HIVEP1: variants seen among roughly 807,000 people sequenced by gnomAD.
HIVEP1 encodes zinc finger protein 40.
A neutral mutation model predicts 180.0 loss-of-function variants in HIVEP1; 36 were observed. That is an observed-to-expected ratio of 0.20 (90% CI 0.15 to 0.26). The LOEUF is 0.26. Ranked by LOEUF, HIVEP1 falls within the 10% of genes least tolerant of loss-of-function variation. The pLI is 1.00. For synonymous variants in HIVEP1, 1,239 were observed against 1,239.0 expected, an observed-to-expected ratio of 1.00 and a Z score of 0.00; for missense variants, 3,143 against 3,268.7, an observed-to-expected ratio of 0.96 and a Z score of 0.94.
At chr6:12,082,896 C>G (rs924791617) in intron 2 of HIVEP1, among the ~76,000 whole-genome samples, 1 of 152,076 alleles carries the variant, frequency 6.6e-6, no homozygotes, top group Non-Finnish European at 1.5e-5. Context: ...AGGAATTATT[C>G]TGTAGTTTTC....
At chr6:12,103,967 A>G (rs530083482) in intron 3 of HIVEP1, among the ~76,000 whole-genome samples, 1 of 152,360 alleles carries the variant, frequency 6.6e-6, no homozygotes, top group East Asian at 1.9e-4. Flanking sequence ...GTTTGGAAGC[A>G]TAGAAAATCT....
At chr6:12,138,643 G>A (rs535325503) in intron 7 of HIVEP1, among the ~76,000 whole-genome samples, 1 of 152,088 alleles carries the variant, frequency 6.6e-6, no homozygotes, top group Non-Finnish European at 1.5e-5. Flanking sequence ...TGCTCACTTT[G>A]TAGGTAGTCT....
Position 12,123,210 on chromosome 6 carries a change from A to G in HIVEP1, c.3415A>G (p.Thr1139Ala), listed in dbSNP as rs1325221146. ...HGTGISVIQH[T>A]NSLSRPNSFD... is the part of the protein sequence containing the mutation. Reference sequence around the variant, plus strand: ...AACTGGAATCTCTGTCATCCAGCACACCAACTCCCTGAGCAGGCCCAACTC... The same window carrying G: ...AACTGGAATCTCTGTCATCCAGCACGCCAACTCCCTGAGCAGGCCCAACTC... The change falls in exon 4 of 9, where the codon ACC (threonine) becomes GCC (alanine). Residue 1139 changes from threonine (T) to alanine (A), a missense_variant. By Grantham distance (58) the Thr-to-Ala change is moderately conservative. Transcript: ENST00000379388. 1.2e-6 allele frequency: 2 copies of G among 1,614,202 alleles called. No individual in the cohort carries two copies. The highest frequency in any genetic ancestry group is 3.3e-5 in the Admixed American group (2 of 60,014).
At position 12,015,623 on chromosome 6, in the gene HIVEP1, A is replaced by G; in HGVS notation, c.-6A>G. 2 of 1,613,426 alleles carry G rather than the reference A, an allele frequency of 1.2e-6. No individual in the cohort carries two copies. The highest frequency in any genetic ancestry group is 1.7e-6 in the Non-Finnish European group (2 of 1,179,586). ...AGAAGAAAAAGAAGGCCCTGAGTCAAAGAAGATGCCTCGAACTAAACAAAT... is the reference window on the plus strand; with the variant it reads ...AGAAGAAAAAGAAGGCCCTGAGTCAGAGAAGATGCCTCGAACTAAACAAAT... On this transcript the variant is annotated 5_prime_UTR_variant, in exon 2 of 9. Transcript: ENST00000379388.
intron 2 of HIVEP1, among the ~76,000 whole-genome samples, chr6:12,030,791 A>G (rs551230819): frequency 2.0e-5 from 3 of 152,230 alleles, no homozygotes; most frequent in South Asian, 2.1e-4. Flanking sequence ...GATACTTTCT[A>G]TTGACTCAAT....
rs149053873 is a variant in HIVEP1 at position 12,130,410 on chromosome 6, C to T, written c.6210-357C>T. On this transcript the variant is annotated intron_variant, in intron 5 of 8. Coordinates refer to ENST00000379388, the MANE Select transcript of HIVEP1 (RefSeq NM_002114.4). ...TGCAGTAGTGCAGCGCAGTGGTGCG[C>T]GCCTGTAGTCCCAGCTGTTCGGGAG... Among the ~76,000 whole-genome samples, 287 of 152,180 alleles carry T rather than the reference C, an allele frequency of 1.9e-3. 1 individual carries two copies. Among genetic ancestry groups the T allele is most frequent in the Middle Eastern group, 3.4e-3 (1 of 292 alleles).
At chr6:12,075,573 A>G (rs1772297321) in intron 2 of HIVEP1, among the ~76,000 whole-genome samples, 1 of 149,512 alleles carries the variant, frequency 6.7e-6, no homozygotes, top group South Asian at 2.1e-4. Context: ...CAGTTTTTAA[A>G]AAATTTCAGA....
chr6:12,148,427 G>A (rs1759501475), intron 7 of HIVEP1, among the ~76,000 whole-genome samples: 1 of 152,208 alleles, frequency 6.6e-6, no homozygotes, highest in African/African-American at 2.4e-5. Flanking sequence ...AGTCCTGCCT[G>A]ACAGTGTATT....
intron 2 of HIVEP1, among the ~76,000 whole-genome samples, chr6:12,019,951 T>C (rs1191907587): frequency 6.6e-6 from 1 of 152,208 alleles, no homozygotes; most frequent in Non-Finnish European, 1.5e-5. Flanking sequence ...GAATCTATCA[T>C]GGAAGAGTAT....
At chr6:12,157,269 C>T (rs1760116656) in intron 7 of HIVEP1, among the ~76,000 whole-genome samples, 1 of 152,082 alleles carries the variant, frequency 6.6e-6, no homozygotes, top group South Asian at 2.1e-4. Flanking sequence ...CAGTCCTAGT[C>T]ATTTCTGTCT....
intron 2 of HIVEP1, among the ~76,000 whole-genome samples, chr6:12,049,273 G>A (rs1770337021): frequency 2.0e-5 from 3 of 152,220 alleles, no homozygotes; most frequent in African/African-American, 7.2e-5. Context: ...GGTGCAGGTA[G>A]TGTTGGCAGG....
the HIVEP1 span, among the ~76,000 whole-genome samples, chr6:12,204,997 G>A: frequency 6.6e-6 from 1 of 152,160 alleles, no homozygotes; most frequent in African/African-American, 2.4e-5. Context: ...CGGTGCAAAG[G>A]CACTGGGGCA....
At chr6:12,012,802 C>G (rs953351789) in intron 1 of HIVEP1, 1 of 152,888 alleles carries the variant, frequency 6.5e-6, no homozygotes, top group Admixed American at 6.5e-5. Context: ...ACAGAGGGAC[C>G]CAGCCTCCCC....
intron 6 of HIVEP1, among the ~76,000 whole-genome samples, chr6:12,133,740 T>C (rs1367861154): frequency 1.3e-5 from 2 of 152,192 alleles, no homozygotes; most frequent in African/African-American, 4.8e-5. Context: ...CCTAGCACTT[T>C]GGGAGGCCAA....
downstream of HIVEP1, among the ~76,000 whole-genome samples, chr6:12,167,553 TG>T (rs1355792194): frequency 5.0e-5 from 6 of 120,866 alleles, 1 homozygote; most frequent in East Asian, 2.4e-4. Flanking sequence ...ATATAATATA[TG>T]TATATATTAC....
chr6:12,191,457 C>T, the HIVEP1 span, among the ~76,000 whole-genome samples: 22,194 of 151,840 alleles, frequency 0.15, 2,015 homozygotes, highest in Middle Eastern at 0.21. Context: ...AGCCAGGTGT[C>T]GTGGTGTGTG....
rs148617896 is a variant in HIVEP1, at chr6:12,018,224, C to T, written c.40+2556C>T. ...CACGCCAACTGGGAACTCTAGCTGG[C>T]CTACAAGCGCCACGCGCGGCCCCCG... On this transcript the variant is annotated intron_variant, in intron 2 of 8. Coordinates refer to ENST00000379388, the MANE Select transcript of HIVEP1 (RefSeq NM_002114.4). Among the ~76,000 whole-genome samples, 939 of 152,352 alleles carry T rather than the reference C, an allele frequency of 6.2e-3. 5 individuals carry two copies. The highest frequency in any genetic ancestry group is 0.012 in the African/African-American group (517 of 41,586).
chr6:12,164,482 CT>C lies in HIVEP1; in HGVS notation c.*30del, dbSNP rs752138621. 807 of 1,531,136 alleles carry C rather than the reference CT, an allele frequency of 5.3e-4. No individual in the cohort carries two copies. The highest frequency in any genetic ancestry group is 6.1e-4 in the Non-Finnish European group (694 of 1,135,338). The allele number at this position is 1,531,136 out of a possible 1,614,324, so 94.8% of individuals were successfully genotyped here. ...CCTGATGGATTTTATTTTTTATTTG[CT>C]TTTTTTTTATATAACACTTAAAGGT... On this transcript the variant is annotated 3_prime_UTR_variant, in exon 9 of 9. Coordinates refer to ENST00000379388, the MANE Select transcript of HIVEP1 (RefSeq NM_002114.4).
intron 2 of HIVEP1, among the ~76,000 whole-genome samples, chr6:12,052,197 T>A (rs1215922467): frequency 6.6e-6 from 1 of 152,218 alleles, no homozygotes; most frequent in Non-Finnish European, 1.5e-5. Context: ...TACAGGCAGA[T>A]GATGAATGTA....
Sources: allele counts gnomAD v4.1 joint callset (sites outside exome capture counted in the v4.1 genomes callset), GRCh38; gene constraint gnomAD v4.1.1; transcripts MANE v1.5; gene names NCBI Gene and HGNC (gene_info 2026-07-23, HGNC 2026-07-21).